OSBPL1A: variants seen among roughly 807,000 people sequenced by gnomAD.
The protein encoded by OSBPL1A is oxysterol-binding protein-related protein 1.
Under a neutral mutation model 137.1 loss-of-function variants are expected in OSBPL1A, and 80 were observed. The ratio of observed to expected loss-of-function variants is 0.58; its 90% confidence interval spans 0.49 to 0.70. The LOEUF (loss-of-function observed/expected upper bound fraction) is 0.70, where lower values mean the gene tolerates loss of function less well. OSBPL1A is among the 30% of genes least tolerant of loss of function. The pLI, the probability that OSBPL1A is intolerant of heterozygous loss-of-function variation, is 0.00. For synonymous variants in OSBPL1A, 365 were observed against 389.7 expected (o/e 0.94, Z 0.75); for missense variants, 970 against 1,129.4 (o/e 0.86, Z 2.02).
intron 5 of OSBPL1A, among the ~76,000 whole-genome samples, chr18:24,336,528 G>T (rs1340392389): frequency 6.6e-6 from 1 of 152,008 alleles, no homozygotes; most frequent in Non-Finnish European, 1.5e-5. Context: ...TACAGAAATC[G>T]TTCTAAAGGA....
rs1046792546 is a variant in OSBPL1A at position 24,368,892 on chromosome 18, A to C, written c.122-520T>G. Among the ~76,000 whole-genome samples the C allele has an allele frequency of 3.3e-5, 5 of 152,122 alleles. No individual in the cohort carries two copies. In the East Asian group the frequency reaches 9.7e-4, roughly 29 times the overall value. On this transcript the variant is annotated intron_variant, in intron 2 of 27. Coordinates refer to ENST00000319481, the MANE Select transcript of OSBPL1A (RefSeq NM_080597.4). ...TTGTCCCCACCCATATCTCATGTTG[A>C]ATTGGAGCAGGGGCCTGGTGGGAGG...
intron 25 of OSBPL1A, among the ~76,000 whole-genome samples, 160 bp downstream of exon 25, chr18:24,167,169 C>T (rs1397688237): frequency 6.6e-6 from 1 of 152,206 alleles, no homozygotes; most frequent in Non-Finnish European, 1.5e-5. Context: ...TTACGACGCG[C>T]TGAGCTCAGG....
At position 24,306,859 on chromosome 18, in the gene OSBPL1A, T is replaced by C. The variant is rs13381570; in HGVS notation, c.1093-3141A>G. ...TTAAAAATAATAGATTGTCAAACTC[T>C]GATCACTTTCTTCTTTGCAGAAAAT... On this transcript the variant is annotated intron_variant, in intron 13 of 27. Transcript: ENST00000319481. Among the ~76,000 whole-genome samples the C allele has an allele frequency of 6.0e-3, 913 of 152,266 alleles. 14 individuals carry two copies. Among genetic ancestry groups the C allele is most frequent in the African/African-American group, 0.021 (857 of 41,540 alleles).
chr18:24,216,689 T>C (rs957485261), intron 17 of OSBPL1A, among the ~76,000 whole-genome samples: 2 of 152,158 alleles, frequency 1.3e-5, no homozygotes, highest in Non-Finnish European at 2.9e-5. Flanking sequence ...CAAACATCTT[T>C]TCATATAAAT....
At chr18:24,185,412 T>C (rs1361501113) in intron 18 of OSBPL1A, among the ~76,000 whole-genome samples, 1 of 151,336 alleles carries the variant, frequency 6.6e-6, no homozygotes, top group Non-Finnish European at 1.5e-5. Flanking sequence ...CTCCGCCTCC[T>C]GGGTTCGAGC....
chr18:24,195,466 A>G (rs1452465518), intron 18 of OSBPL1A, among the ~76,000 whole-genome samples: 1 of 152,140 alleles, frequency 6.6e-6, no homozygotes, highest in African/African-American at 2.4e-5. Context: ...TACACATTCA[A>G]TTGCAAAATG....
chr18:24,225,688 T>G (rs923568324), intron 16 of OSBPL1A, among the ~76,000 whole-genome samples: 2 of 152,006 alleles, frequency 1.3e-5, no homozygotes, highest in Admixed American at 1.3e-4. Context: ...AAAGGTCGGG[T>G]CAGTGGCTCA....
At chr18:24,307,092 CA>C (rs373469036) in intron 13 of OSBPL1A, among the ~76,000 whole-genome samples, 76,262 of 131,722 alleles carry the variant, frequency 0.58, 21,085 homozygotes, top group African/African-American at 0.68. Flanking sequence ...CTAATCTCTA[CA>C]AAAAAAAAAA....
intron 14 of OSBPL1A, among the ~76,000 whole-genome samples, chr18:24,294,104 A>G (rs1370380322): frequency 6.6e-6 from 1 of 151,798 alleles, no homozygotes; most frequent in Non-Finnish European, 1.5e-5. Context: ...TTATATTTCA[A>G]TAGTTTTGGG....
At chr18:24,173,141 G>A (rs995492792) in intron 21 of OSBPL1A, among the ~76,000 whole-genome samples, 5 of 152,074 alleles carry the variant, frequency 3.3e-5, no homozygotes, top group Non-Finnish European at 5.9e-5. Context: ...GCAAACTAAC[G>A]CAGGAACAGA....
At chr18:24,231,289 G>A (rs1432242813) in intron 16 of OSBPL1A, among the ~76,000 whole-genome samples, 3 of 152,092 alleles carry the variant, frequency 2.0e-5, no homozygotes, top group Non-Finnish European at 2.9e-5. Flanking sequence ...GATCTTTAAA[G>A]TTCTTTTTGT....
At chr18:24,240,406 A>G (rs956876417) in intron 15 of OSBPL1A, among the ~76,000 whole-genome samples, 1 of 152,156 alleles carries the variant, frequency 6.6e-6, no homozygotes, top group African/African-American at 2.4e-5. Flanking sequence ...GGTTGACCAA[A>G]ACCCTCTACA....
At chr18:24,181,026 G>T in intron 19 of OSBPL1A, 119 bp downstream of exon 19, 2 of 1,246,334 alleles carry the variant, frequency 1.6e-6, no homozygotes, top group Non-Finnish European at 2.2e-6. Context: ...ACTGAGCTTT[G>T]ATAAAATTGC....
At chr18:24,326,813 T>G (rs2090989070) in intron 7 of OSBPL1A, among the ~76,000 whole-genome samples, 1 of 152,212 alleles carries the variant, frequency 6.6e-6, no homozygotes, top group South Asian at 2.1e-4. Flanking sequence ...AAAATATATG[T>G]TACTATGAAA....
intron 21 of OSBPL1A, among the ~76,000 whole-genome samples, chr18:24,175,109 T>C (rs1291732048): frequency 1.1e-3 from 15 of 13,418 alleles, no homozygotes; most frequent in African/African-American, 1.7e-3. Context: ...CATGTGTATG[T>C]ATATATATAT....
At chr18:24,393,797 T>G (rs1201265137) in intron 1 of OSBPL1A, among the ~76,000 whole-genome samples, 2 of 152,258 alleles carry the variant, frequency 1.3e-5, no homozygotes, top group Non-Finnish European at 2.9e-5. Context: ...AAAAGTTAAA[T>G]GCCATTGATT....
In OSBPL1A at chr18:24,317,201, A is replaced by G. The variant is rs1599658351; in HGVS notation, c.818T>C (p.Val273Ala). 6.2e-7 allele frequency: 1 copy of G among 1,613,846 alleles called. No individual in the cohort carries two copies. Among genetic ancestry groups the G allele is most frequent in the African/African-American group, 1.3e-5 (1 of 74,900 alleles). ...GCATCCCTGGCGATAAATATTATGA[A>G]CTGCATCAGGCCTTCAAAATAAAAA... ...LSWYRKQPDA[V>A]HNIYRQGCKH... The change falls in exon 11 of 28, where the codon GTT becomes GCT. Residue 273 changes from valine to alanine, a missense_variant. This residue lies in a region of OSBPL1A where 647 missense variants were observed against 672.6 expected (regional missense o/e 0.96). Transcript: ENST00000319481.
chr18:24,306,915 A>C (rs1003367228), intron 13 of OSBPL1A, among the ~76,000 whole-genome samples: 1 of 152,094 alleles, frequency 6.6e-6, no homozygotes, highest in Non-Finnish European at 1.5e-5. Context: ...GTGCCGTAGC[A>C]CTTATCTCTA....
At chr18:24,280,781 G>A in intron 15 of OSBPL1A, 61 bp downstream of exon 15, 2 of 1,165,270 alleles carry the variant, frequency 1.7e-6, no homozygotes, top group Non-Finnish European at 1.2e-6. Context: ...ATGACTTCAT[G>A]GACAACCACG....
Sources: gnomAD v4.1 joint callset for allele counts (sites outside exome capture counted in the v4.1 genomes callset) on GRCh38, gnomAD v4.1.1 for gene constraint, gnomAD v4.1.1 regional missense constraint, MANE v1.5 for transcripts, NCBI Gene and HGNC (gene_info 2026-07-23, HGNC 2026-07-21) for gene names.